ZBTB38: variants seen among roughly 807,000 people sequenced by gnomAD.
ZBTB38 encodes the protein zinc finger and BTB domain containing 38, also known as zinc finger and BTB domain-containing protein 38.
ZBTB38 carries 20 observed loss-of-function variants against 76.8 expected under a neutral mutation model. The observed-to-expected ratio is 0.26, with a 90% CI of 0.18 to 0.38. ZBTB38 has a LOEUF of 0.38. ZBTB38 is among the 10% of genes least tolerant of loss of function. ZBTB38 has a pLI of 1.00. For synonymous variants in ZBTB38, 504 were observed against 544.2 expected (o/e 0.93, Z 1.03); for missense variants, 1,082 against 1,482.3 (o/e 0.73, Z 4.43).
rs1304141012 is a variant in ZBTB38 at position 141,444,158 on chromosome 3, A to G, written c.1770A>G (p.Arg590=). ...SYRNSSYENA[R]ENSQMNESAP... is the part of the protein sequence containing the mutation. ...GAAATTCTTCCTATGAAAATGCACG[A>G]GAAAACAGTCAAATGAATGAGTCTG... Residue 590 remains arginine (R), a synonymous_variant, in exon 6 of 6, where the codon CGA becomes CGG. Transcript: ENST00000321464. This position sits in a 1 kb window ranked among gnomAD's most constrained non-coding sequence, Gnocchi z 5.1. 1 of 1,613,966 alleles carries G rather than the reference A, an allele frequency of 6.2e-7. No homozygotes were observed. The highest frequency in any genetic ancestry group is 1.3e-5 in the African/African-American group (1 of 74,916).
intron 5 of ZBTB38, among the ~76,000 whole-genome samples, chr3:141,405,069 A>G (rs1953899316): frequency 6.6e-6 from 1 of 152,210 alleles, no homozygotes; most frequent in Non-Finnish European, 1.5e-5. Context: ...TATGCCCTCA[A>G]TTTATAAATG....
chr3:141,325,680 T>G (rs1402139866), intron 1 of ZBTB38, among the ~76,000 whole-genome samples: 1 of 152,200 alleles, frequency 6.6e-6, no homozygotes, highest in Non-Finnish European at 1.5e-5. Context: ...TTTGCAAAGA[T>G]TGCATTAGTG....
At position 141,444,616 on chromosome 3, in the gene ZBTB38, C is replaced by G; in HGVS notation, c.2228C>G (p.Ala743Gly). 6.2e-7 allele frequency: 1 copy of G among 1,614,152 alleles called. No homozygotes were observed. Among genetic ancestry groups the G allele is most frequent in the Non-Finnish European group, 8.5e-7 (1 of 1,180,018 alleles). The change falls in exon 6 of 6, where the codon GCC becomes GGC. Residue 743 changes from alanine to glycine, a missense_variant. By Grantham distance (60) the Ala-to-Gly change is moderately conservative. Around this residue, in one of 8 missense-constraint regions of ZBTB38, gnomAD observed 471 missense variants for 581.0 expected, o/e 0.81. Transcript: ENST00000321464. This position sits in a 1 kb window ranked among gnomAD's most constrained non-coding sequence, Gnocchi z 5.1. ...IAAMTSSNHR[A>G]FSDPAVSQSL... The stretch of plus-strand genomic sequence containing the variant: ...GCCATGACCAGCAGCAACCACAGAG[C>G]CTTTTCAGACCCAGCTGTCAGTCAG...
At chr3:141,410,674 G>A (rs1956328525) in intron 5 of ZBTB38, among the ~76,000 whole-genome samples, 1 of 152,168 alleles carries the variant, frequency 6.6e-6, no homozygotes, top group Non-Finnish European at 1.5e-5. Context: ...GGAGCCCTTG[G>A]GTTTTTGCCA....
intron 4 of ZBTB38, among the ~76,000 whole-genome samples, chr3:141,398,962 T>C (rs1267806597): frequency 1.3e-5 from 2 of 148,548 alleles, no homozygotes; most frequent in African/African-American, 5.3e-5. Flanking sequence ...CTCTCCTCTC[T>C]TTTTTTCCTT....
chr3:141,372,486 T>C (rs1559924696), intron 2 of ZBTB38, among the ~76,000 whole-genome samples: 1 of 149,548 alleles, frequency 6.7e-6, no homozygotes, highest in African/African-American at 2.5e-5. Flanking sequence ...CCATCTCTAC[T>C]AAAAAAAAAT....
Position 141,445,410 on chromosome 3 carries a change from C to A in ZBTB38, c.3022C>A (p.Arg1008=). 1 of 1,614,160 alleles carries A rather than the reference C, an allele frequency of 6.2e-7. No homozygotes were observed. The highest frequency in any genetic ancestry group is 8.5e-7 in the Non-Finnish European group (1 of 1,180,020). ...AAGGCCCCACCGACATCTTACTTCTCGGCCATATGCCTGCGAGCTCTGCGC... is the reference window on the plus strand; with the variant it reads ...AAGGCCCCACCGACATCTTACTTCTAGGCCATATGCCTGCGAGCTCTGCGC... The part of the protein sequence containing the change: ...QGRPHRHLTS[R]PYACELCAKQ... The change falls in exon 6 of 6, where the codon CGG becomes AGG. Residue 1008 remains arginine, a synonymous_variant. Coordinates refer to ENST00000321464, the MANE Select transcript of ZBTB38 (RefSeq NM_001376113.1). The surrounding 1 kb of genome is among the most constrained non-coding windows in gnomAD (Gnocchi z 6.5).
Position 141,442,907 on chromosome 3 carries a change from A to T in ZBTB38, c.519A>T (p.Thr173=). Residue 173 remains threonine, a synonymous_variant, in exon 6 of 6, where the codon ACA becomes ACT. Coordinates refer to ENST00000321464, the MANE Select transcript of ZBTB38 (RefSeq NM_001376113.1). The surrounding 1 kb of genome is among the most constrained non-coding windows in gnomAD (Gnocchi z 6.4). ...RITNAFSIIE[T]ENSNNMFSPL... ...CAAATGCATTTTCCATCATCGAAAC[A>T]GAAAATAGTAATAACATGTTTTCCC... is the stretch of plus-strand genomic sequence containing the variant. The T allele has an allele frequency of 6.2e-7, 1 of 1,614,270 alleles. No individual in the cohort carries two copies.
intron 5 of ZBTB38, among the ~76,000 whole-genome samples, chr3:141,434,899 A>G (rs1056290384): frequency 1.3e-5 from 2 of 151,892 alleles, no homozygotes; most frequent in East Asian, 3.9e-4. Context: ...TTGGGAGGCC[A>G]AGGTGGGAGG....
intron 4 of ZBTB38, among the ~76,000 whole-genome samples, chr3:141,395,652 G>T (rs567697146): frequency 2.0e-5 from 3 of 152,208 alleles, no homozygotes; most frequent in Admixed American, 2.0e-4. Context: ...ATACAGAAAT[G>T]AATGAATGTG....
intron 3 of ZBTB38, chr3:141,386,359 T>C (rs191949492): frequency 6.6e-6 from 1 of 152,360 alleles, no homozygotes; most frequent in Admixed American, 6.5e-5. Flanking sequence ...TCTGAGGCGG[T>C]ATCTGCCGCT....
rs938254009 is a variant in ZBTB38 at position 141,447,456 on chromosome 3, A to G, written c.*1480A>G. 2.0e-5 allele frequency: 3 copies of G among 152,564 alleles called. No individual in the cohort carries two copies. Among genetic ancestry groups the G allele is most frequent in the African/African-American group, 7.2e-5 (3 of 41,422 alleles). The allele number at this position is 152,564 out of a possible 1,614,324, so 9.5% of individuals were successfully genotyped here. On this transcript the variant is annotated 3_prime_UTR_variant, in exon 6 of 6. Transcript: ENST00000321464. The stretch of plus-strand genomic sequence containing the variant: ...CACTACCCTCAAATCTAATTGCCCT[A>G]CAGCATATTCTATCATGTGGACTAG...
chr3:141,413,297 C>A lies in ZBTB38; in HGVS notation c.-1+9266C>A, dbSNP rs185616104. On this transcript the variant is annotated intron_variant, in intron 5 of 5. Transcript: ENST00000321464. This position sits in a 1 kb window ranked among gnomAD's most constrained non-coding sequence, Gnocchi z 4.1. ...CACCTTCCTGCAGGAGGTCCTCACA[C>A]CCCAGACGGTCAGAATGCTCCCCAG... 6.6e-6 allele frequency among the ~76,000 whole-genome samples: 1 copy of A among 152,300 alleles called. No homozygotes were observed. Among genetic ancestry groups the A allele is most frequent in the East Asian group, 1.9e-4 (1 of 5,186 alleles).
chr3:141,419,753 G>A lies in ZBTB38; in HGVS notation c.-1+15722G>A, dbSNP rs1036592319. On this transcript the variant is annotated intron_variant, in intron 5 of 5. Transcript: ENST00000321464. Reference sequence around the variant, plus strand: ...TGTAATCCCAGCACTTTGGGAGGCCGAGGCAGGCAGATCATCTGAGGTCGG... The same window carrying A: ...TGTAATCCCAGCACTTTGGGAGGCCAAGGCAGGCAGATCATCTGAGGTCGG... Among the ~76,000 whole-genome samples the A allele has an allele frequency of 6.6e-5, 10 of 152,124 alleles. No individual in the cohort carries two copies. In the East Asian group the frequency reaches 1.3e-3, roughly 21 times the overall value.
intron 1 of ZBTB38, among the ~76,000 whole-genome samples, chr3:141,339,278 T>C (rs1943103964): frequency 6.6e-6 from 1 of 152,242 alleles, no homozygotes; most frequent in Non-Finnish European, 1.5e-5. Context: ...TCACTTGAAC[T>C]GTTCTAGGCC....
chr3:141,346,782 T>TGTGTGTGTGTGTG, intron 1 of ZBTB38, among the ~76,000 whole-genome samples: 1 of 144,684 alleles, frequency 6.9e-6, no homozygotes, highest in African/African-American at 2.6e-5. Context: ...TTGTTTTGTT[T>TGTGTGTGTGTGTG]TGTGTGTGTG....
At chr3:141,415,853 A>G (rs996452729) in intron 5 of ZBTB38, among the ~76,000 whole-genome samples, 1 of 152,124 alleles carries the variant, frequency 6.6e-6, no homozygotes, top group Non-Finnish European at 1.5e-5. Context: ...TCCAGCCCCC[A>G]CTGACCTTCT....
intron 5 of ZBTB38, among the ~76,000 whole-genome samples, chr3:141,418,970 G>C (rs1451872413): frequency 2.0e-5 from 3 of 152,140 alleles, no homozygotes; most frequent in African/African-American, 4.8e-5. Flanking sequence ...TGGTTTTGTT[G>C]GTAAAGATAG....
chr3:141,402,022 C>G (rs1045494995), intron 4 of ZBTB38, among the ~76,000 whole-genome samples: 1 of 152,234 alleles, frequency 6.6e-6, no homozygotes, highest in African/African-American at 2.4e-5. Flanking sequence ...GGCCCGAGGC[C>G]TTGTTCTGAC....
Sources: gnomAD v4.1 joint callset for allele counts (sites outside exome capture counted in the v4.1 genomes callset) on GRCh38, gnomAD v4.1.1 for gene constraint, gnomAD v4.1.1 regional missense constraint, Gnocchi (gnomAD v3.1) non-coding constraint, MANE v1.5 for transcripts, NCBI Gene and HGNC (gene_info 2026-07-23, HGNC 2026-07-21) for gene names.